SRGAP3: variants seen among roughly 807,000 people sequenced by gnomAD.
SRGAP3 encodes SLIT-ROBO Rho GTPase activating protein 3.
SRGAP3 carries 39 observed loss-of-function variants against 121.1 expected under a neutral mutation model. The ratio of observed to expected loss-of-function variants is 0.32; its 90% confidence interval spans 0.25 to 0.42. SRGAP3 has a LOEUF of 0.42. Among genes scored for constraint, SRGAP3 ranks in the 10% least tolerant of loss-of-function variants. The pLI, the probability that SRGAP3 is intolerant of heterozygous loss-of-function variation, is 1.00. For missense variants in SRGAP3, 1,213 were observed against 1,470.6 expected (o/e 0.82, Z 2.86); for synonymous variants, 601 against 570.0 (o/e 1.05, Z -0.77).
chr3:9,142,778 A>T (rs73811440), intron 1 of SRGAP3, among the ~76,000 whole-genome samples: 1 of 148,170 alleles, frequency 6.7e-6, no homozygotes, highest in Non-Finnish European at 1.5e-5. Context: ...ATCGAGGTCC[A>T]TTCCAGGACT....
At chr3:9,316,137 C>G (rs900180570) in intron 3 of SRGAP3, among the ~76,000 whole-genome samples, 3 of 152,108 alleles carry the variant, frequency 2.0e-5, no homozygotes, top group African/African-American at 4.8e-5. Context: ...CAACCTCCGC[C>G]TCTTGGATTC....
intron 6 of SRGAP3, 88 bp from the exon 7 acceptor site, chr3:9,058,560 C>T (rs1945952140): frequency 7.4e-7 from 1 of 1,353,932 alleles, no homozygotes; most frequent in African/African-American, 1.4e-5. Flanking sequence ...TTACAATTAC[C>T]TCCCTTTCCA....
intron 3 of SRGAP3, among the ~76,000 whole-genome samples, chr3:9,290,998 T>C (rs1055055229): frequency 2.0e-5 from 3 of 152,150 alleles, no homozygotes; most frequent in Non-Finnish European, 4.4e-5. Flanking sequence ...GTGTTTTATG[T>C]GCTGAGGTCA....
chr3:9,035,014 A>G (rs182507616), intron 11 of SRGAP3: 18 of 152,334 alleles, frequency 1.2e-4, no homozygotes, highest in Admixed American at 3.3e-4. Flanking sequence ...TTTACATACA[A>G]GGCCAGTGAG....
At chr3:9,338,536 C>G (rs1350488039) in intron 1 of SRGAP3, among the ~76,000 whole-genome samples, 2 of 152,192 alleles carry the variant, frequency 1.3e-5, no homozygotes, top group South Asian at 2.1e-4. Flanking sequence ...AACTCTTACT[C>G]TCCTTCCCAT....
chr3:9,055,788 T>C (rs997493363), intron 8 of SRGAP3, among the ~76,000 whole-genome samples: 3 of 152,208 alleles, frequency 2.0e-5, no homozygotes, highest in Admixed American at 1.3e-4. Context: ...ATTTAAGCAT[T>C]TCCCTCCAGT....
chr3:9,112,021 G>A (rs889456590), intron 2 of SRGAP3, among the ~76,000 whole-genome samples: 2 of 152,314 alleles, frequency 1.3e-5, no homozygotes, highest in South Asian at 2.1e-4. Flanking sequence ...GAGGTTCCAG[G>A]AGACTGCAGC....
At chr3:9,086,811 A>ATGTATATATGTAT (rs1328163135) in intron 3 of SRGAP3, among the ~76,000 whole-genome samples, 1 of 86,792 alleles carries the variant, frequency 1.2e-5, no homozygotes, top group Non-Finnish European at 3.0e-5. Context: ...TACATATAAT[A>ATGTATATATGTAT]TACATATACA....
intron 1 of SRGAP3, among the ~76,000 whole-genome samples, chr3:9,150,344 G>T (rs1183233371): frequency 6.6e-6 from 1 of 152,008 alleles, no homozygotes; most frequent in East Asian, 1.9e-4. Flanking sequence ...AAGTAAGAAG[G>T]TGGGAGAGGA....
intron 7 of SRGAP3, 23 bp downstream of exon 7, chr3:9,058,228 C>T (rs866821472): frequency 7.4e-6 from 12 of 1,611,826 alleles, no homozygotes; most frequent in Non-Finnish European, 1.0e-5. Flanking sequence ...AGCCCCAAGC[C>T]CGGGCTCCAG....
At chr3:9,013,868 G>C (rs372436826) in intron 15 of SRGAP3, 26 bp from the exon 16 acceptor site, 2 of 1,605,826 alleles carry the variant, frequency 1.2e-6, no homozygotes, top group Non-Finnish European at 1.7e-6. Context: ...GCCTTTCAGC[G>C]TGCCTTTCAT....
intron 1 of SRGAP3, among the ~76,000 whole-genome samples, chr3:9,134,158 G>A (rs374420300): frequency 6.6e-6 from 1 of 152,172 alleles, no homozygotes; most frequent in Non-Finnish European, 1.5e-5. Context: ...CCTGCAGATG[G>A]CTTTCCTGGG....
In SRGAP3 at chr3:8,990,448, G is replaced by A. The variant is rs1196314243; in HGVS notation, c.2886+64C>T. The A allele has an allele frequency of 1.4e-5, 21 of 1,542,910 alleles. 1 individual carries two copies. Among genetic ancestry groups the A allele is most frequent in the East Asian group, 7.3e-5 (3 of 40,846 alleles). On this transcript the variant is annotated intron_variant, in intron 21 of 21. Transcript: ENST00000383836. ...AGGCCAAGGTGGCTCCCCGCTCCAC[G>A]GATTCCCACCCGCTGCCCTCTGGGG...
At chr3:9,206,808 A>T (rs1431542216) in intron 1 of SRGAP3, among the ~76,000 whole-genome samples, 1 of 152,096 alleles carries the variant, frequency 6.6e-6, no homozygotes, top group Non-Finnish European at 1.5e-5. Flanking sequence ...TAGTCTCTTC[A>T]GTCTCCTTCA....
chr3:9,081,340 G>A (rs1947236652), intron 3 of SRGAP3: 4 of 453,952 alleles, frequency 8.8e-6, no homozygotes, highest in African/African-American at 4.0e-5. Context: ...CAGGTTGGCA[G>A]AAAGGCCTCT....
intron 1 of SRGAP3, among the ~76,000 whole-genome samples, chr3:9,154,774 T>C (rs1052269555): frequency 6.6e-6 from 1 of 152,078 alleles, no homozygotes; most frequent in African/African-American, 2.4e-5. Flanking sequence ...GCTTTCTGGA[T>C]TATCTTGAAA....
chr3:8,985,687 G>C lies in SRGAP3; in HGVS notation c.3132C>G (p.Ser1044=). Residue 1044 remains serine, a synonymous_variant, in exon 22 of 22, where the codon TCC becomes TCG. Coordinates refer to ENST00000383836, the MANE Select transcript of SRGAP3 (RefSeq NM_014850.4). The surrounding 1 kb of genome is among the most constrained non-coding windows in gnomAD (Gnocchi z 5.1). ...GGAGCTGGGCGCCAGCCAGGCGGGC[G>C]GACAGGGCTGGCTTGAAGGTGGTCA... ...EMMTTFKPAL[S]ARLAGAQLRP... is the part of the protein sequence containing the mutation. The C allele has an allele frequency of 6.3e-7, 1 of 1,596,872 alleles. No homozygotes were observed. The highest frequency in any genetic ancestry group is 8.5e-7 in the Non-Finnish European group (1 of 1,179,192).
chr3:9,168,749 G>A (rs1347135385), intron 1 of SRGAP3, among the ~76,000 whole-genome samples: 10 of 152,240 alleles, frequency 6.6e-5, no homozygotes, highest in Non-Finnish European at 1.0e-4. Context: ...AGGAAAGAGA[G>A]AAGGGAGAAA....
At chr3:9,202,627 C>T (rs1019684593) in intron 1 of SRGAP3, among the ~76,000 whole-genome samples, 1 of 152,206 alleles carries the variant, frequency 6.6e-6, no homozygotes, top group Non-Finnish European at 1.5e-5. Context: ...CGAGCCCCCT[C>T]CTGGATTCCT....
Sources: allele counts gnomAD v4.1 joint callset (sites outside exome capture counted in the v4.1 genomes callset), GRCh38; gene constraint gnomAD v4.1.1; non-coding constraint Gnocchi (gnomAD v3.1); transcripts MANE v1.5; gene names NCBI Gene and HGNC (gene_info 2026-07-23, HGNC 2026-07-21).